The following CUL3 variants were observed in gnomAD, a reference collection of about 807,000 sequenced individuals.
The protein encoded by CUL3 is cullin 3, also known as cullin-3.
Under a neutral mutation model 89.1 loss-of-function variants are expected in CUL3, and 19 were observed. The ratio of observed to expected loss-of-function variants is 0.21; its 90% CI spans 0.15 to 0.31. The LOEUF (loss-of-function observed/expected upper bound fraction) is 0.31. CUL3 is among the 10% of genes least tolerant of loss of function. The probability of loss-of-function intolerance (pLI) is 1.00; values close to 1 mark genes in which losing one functional copy is unlikely to be tolerated. For missense variants in CUL3, 469 were observed against 942.3 expected (o/e 0.50, Z 6.58); for synonymous variants, 351 against 308.4 (o/e 1.14, Z -1.45).
intron 1 of CUL3, among the ~76,000 whole-genome samples, chr2:224,576,128 T>C (rs1259043571): frequency 1.3e-5 from 2 of 151,964 alleles, no homozygotes; most frequent in Non-Finnish European, 2.9e-5. Flanking sequence ...AAAAAGATGA[T>C]GATGGAAGTG....
Position 224,473,956 on chromosome 2 carries a change from CTTTTA to C in CUL3, c.*284_*288del, listed in dbSNP as rs1473729295. The C allele has an allele frequency of 7.6e-6, 2 of 262,466 alleles. No homozygotes were observed. The highest frequency in any genetic ancestry group is 2.2e-5 in the African/African-American group (1 of 46,090). 16.3% of individuals were successfully genotyped at this position (262,466 alleles called of 1,614,324 possible). ...AATGAGCTGTATTTTCTAAATTTCT[CTTTTA>C]TTTTCCTGTTTTCATACAGTAAAGA... On this transcript the variant is annotated 3_prime_UTR_variant, in exon 16 of 16. Coordinates refer to ENST00000264414, the MANE Select transcript of CUL3 (RefSeq NM_003590.5).
chr2:224,556,228 G>A (rs1227294528), intron 2 of CUL3: 1 of 152,066 alleles, frequency 6.6e-6, no homozygotes, highest in Non-Finnish European at 1.5e-5. Context: ...TAGGGAACAG[G>A]ATATTCATAC....
At chr2:224,534,274 C>A (rs1693800452) in intron 3 of CUL3, among the ~76,000 whole-genome samples, 1 of 152,040 alleles carries the variant, frequency 6.6e-6, no homozygotes, top group Non-Finnish European at 1.5e-5. Context: ...TCTTGCTGAA[C>A]AGGATTTTTT....
chr2:224,582,092 G>C (rs776411032), intron 1 of CUL3, among the ~76,000 whole-genome samples: 1 of 152,026 alleles, frequency 6.6e-6, no homozygotes, highest in Non-Finnish European at 1.5e-5. Context: ...AGCTTCCCAA[G>C]TAGCTAGGTT....
At chr2:224,584,873 G>C in intron 1 of CUL3, 71 bp downstream of exon 1, 12 of 1,248,580 alleles carry the variant, frequency 9.6e-6, no homozygotes, top group Non-Finnish European at 1.3e-5. Flanking sequence ...GGGGACTTCA[G>C]CCCGGGCCTC....
At chr2:224,520,874 A>T (rs1693234037) in intron 3 of CUL3, among the ~76,000 whole-genome samples, 1 of 152,222 alleles carries the variant, frequency 6.6e-6, no homozygotes, top group Non-Finnish European at 1.5e-5. Context: ...GATGTATAAG[A>T]AATCAAATTC....
At chr2:224,547,901 A>C (rs2106286854) in intron 2 of CUL3, among the ~76,000 whole-genome samples, 1 of 152,330 alleles carries the variant, frequency 6.6e-6, no homozygotes, top group African/African-American at 2.4e-5. Flanking sequence ...ATGTTCACAT[A>C]AATATCTTAA....
intron 6 of CUL3, among the ~76,000 whole-genome samples, chr2:224,508,726 G>C (rs902202804): frequency 3.9e-5 from 6 of 152,194 alleles, no homozygotes; most frequent in Admixed American, 2.6e-4. Context: ...TTGGGAGGCT[G>C]AGACGGGCGG....
chr2:224,561,106 A>G (rs6436496), intron 1 of CUL3, among the ~76,000 whole-genome samples: 28,803 of 151,998 alleles, frequency 0.19, 3,045 homozygotes, highest in South Asian at 0.27. Flanking sequence ...CCCCAACTCC[A>G]ACCCACATTC....
At position 224,584,979 on chromosome 2, in the gene CUL3, G is replaced by A. The variant is rs532085416; in HGVS notation, c.31C>T (p.Arg11Trp). Residue 11 changes from arginine to tryptophan, a missense_variant, in exon 1 of 16, where the codon CGG (arginine) becomes TGG (tryptophan). By Grantham distance (101) the Arg-to-Trp change is moderately radical. Around this residue, in one of 4 missense-constraint regions of CUL3, gnomAD observed 32 missense variants for 29.7 expected, o/e 1.08. Coordinates refer to ENST00000264414, the MANE Select transcript of CUL3 (RefSeq NM_003590.5). The stretch of plus-strand genomic sequence containing the variant: ...CGGATCCGCATCTTGGTGTCCTTCC[G>A]GCTGCCCGTGCCTTTGCTCAGATTC... The part of the protein sequence containing the change: MSNLSKGTGS[R>W]KDTKMRIRAF... 1 of 1,507,560 alleles carries A rather than the reference G, an allele frequency of 6.6e-7. No homozygotes were observed. The highest frequency in any genetic ancestry group is 9.0e-7 in the Non-Finnish European group (1 of 1,116,870). The allele number at this position is 1,507,560 out of a possible 1,614,324, so 93.4% of individuals were successfully genotyped here.
chr2:224,500,633 T>TC (rs1453391995), intron 10 of CUL3, 146 bp from the exon 11 acceptor site: 41 of 760,606 alleles, frequency 5.4e-5, no homozygotes, highest in Non-Finnish European at 1.7e-5. Flanking sequence ...TTTTCTTTTT[T>TC]TTTTTTTTTT....
intron 14 of CUL3, chr2:224,479,911 C>G (rs910785525): frequency 6.6e-6 from 1 of 152,118 alleles, no homozygotes; most frequent in South Asian, 2.1e-4. Flanking sequence ...TCTTAAATAC[C>G]TGCAGAAAAA....
intron 13 of CUL3, 142 bp downstream of exon 13, chr2:224,495,690 A>G: frequency 1.6e-6 from 1 of 611,926 alleles, no homozygotes; most frequent in Non-Finnish European, 2.8e-6. Flanking sequence ...TGATGTTCAT[A>G]CAGTTCCATG....
chr2:224,530,163 C>G (rs959709093), intron 3 of CUL3, among the ~76,000 whole-genome samples: 1 of 152,060 alleles, frequency 6.6e-6, no homozygotes, highest in African/African-American at 2.4e-5. Context: ...GGCGTGAACC[C>G]GGAAGGCAGA....
chr2:224,559,294 T>A (rs561279496), intron 1 of CUL3, among the ~76,000 whole-genome samples: 10 of 150,950 alleles, frequency 6.6e-5, no homozygotes, highest in Middle Eastern at 3.5e-3. Context: ...TACAAAAAAA[T>A]TTTTTAAGAA....
Position 224,472,123 on chromosome 2 carries a change from C to T in CUL3, c.*2122G>A, listed in dbSNP as rs1238450543. The T allele has an allele frequency of 4.4e-6, 1 of 229,352 alleles. No homozygotes were observed. The highest frequency in any genetic ancestry group is 8.6e-6 in the Non-Finnish European group (1 of 115,756). The allele number at this position is 229,352 out of a possible 1,614,324, so 14.2% of individuals were successfully genotyped here. On this transcript the variant is annotated 3_prime_UTR_variant, in exon 16 of 16. Coordinates refer to ENST00000264414, the MANE Select transcript of CUL3 (RefSeq NM_003590.5). ...CATCACATCGCCAGCAATCTCCAAC[C>T]ATTCAACTGCAATTCAGAAATGTTT... is the stretch of plus-strand genomic sequence containing the variant.
At chr2:224,562,637 C>CA (rs143703376) in intron 1 of CUL3, 21,091 of 86,906 alleles carry the variant, frequency 0.24, 1,920 homozygotes, top group Admixed American at 0.33. Flanking sequence ...GACTTTGTCT[C>CA]AAAAAAAAAA....
intron 1 of CUL3, chr2:224,563,367 C>T (rs1427134446): frequency 4.5e-6 from 2 of 444,740 alleles, no homozygotes; most frequent in Non-Finnish European, 9.2e-6. Flanking sequence ...ATCTATTATC[C>T]GTACATGCAG....
intron 3 of CUL3, among the ~76,000 whole-genome samples, chr2:224,524,314 T>C (rs1808013): frequency 0.19 from 28,879 of 151,918 alleles, 3,064 homozygotes; most frequent in South Asian, 0.27. Flanking sequence ...GGACTTAAGA[T>C]GTCAAGGTTC....
Sources: allele counts gnomAD v4.1 joint callset (sites outside exome capture counted in the v4.1 genomes callset), GRCh38; gene constraint gnomAD v4.1.1; regional missense constraint gnomAD v4.1.1; transcripts MANE v1.5; gene names NCBI Gene and HGNC (gene_info 2026-07-23, HGNC 2026-07-21).